Variants in GUCY1B1 observed in about 807,000 individuals in gnomAD.
GUCY1B1 encodes the protein guanylate cyclase 1 soluble subunit beta 1, also known as guanylate cyclase soluble subunit beta-1.
A neutral mutation model predicts 71.0 loss-of-function variants in GUCY1B1; 43 were observed. The ratio of observed to expected loss-of-function variants is 0.61; its 90% confidence interval spans 0.47 to 0.78. The LOEUF (loss-of-function observed/expected upper bound fraction) is 0.78, where lower values mean the gene tolerates loss of function less well. Among genes scored for constraint, GUCY1B1 ranks in the 30% least tolerant of loss-of-function variants. The pLI, the probability that GUCY1B1 is intolerant of heterozygous loss-of-function variation, is 0.00. For synonymous variants in GUCY1B1, 266 were observed against 259.7 expected, an observed-to-expected ratio of 1.02 and a Z score of -0.23; for missense variants, 535 against 754.1, an observed-to-expected ratio of 0.71 and a Z score of 3.40.
chr4:155,775,436 G>T (rs935877578), intron 3 of GUCY1B1, among the ~76,000 whole-genome samples: 35 of 152,224 alleles, frequency 2.3e-4, no homozygotes, highest in Admixed American at 3.9e-4. Context: ...GGGACTACAG[G>T]CACGCACCAC....
At position 155,804,456 on chromosome 4, in the gene GUCY1B1, C is replaced by A. The variant is rs555337498; in HGVS notation, c.1555-137C>A. On this transcript the variant is annotated intron_variant, in intron 11 of 13. Transcript: ENST00000264424. ...ATAATGGGTTGATAGGTGCAGCAAA[C>A]CACCATGGCACATATATACCTATGT... The A allele has an allele frequency of 1.1e-3, 698 of 651,066 alleles. 11 individuals are homozygous for A. In the South Asian group the frequency reaches 0.013, roughly 12 times the overall value. 40.3% of individuals were successfully genotyped at this position (651,066 alleles called of 1,614,324 possible).
rs1027135620 is a variant in GUCY1B1 at position 155,759,696 on chromosome 4, C to G, written c.4-91C>G. ...GGGGCGGGGTGAAAGGTTAAGCCAG[C>G]GCCATGGGAGCAGAGGCAGCAGCCT... On this transcript the variant is annotated intron_variant, in intron 1 of 13. Transcript: ENST00000264424. The G allele has an allele frequency of 1.1e-5, 10 of 872,268 alleles. No homozygotes were observed. The African/African-American group carries it at 1.3e-4, about 12-fold the overall frequency. The allele number at this position is 872,268 out of a possible 1,614,324, so 54.0% of individuals were successfully genotyped here. A position where few individuals can be genotyped will look rare whatever the true frequency, so the allele number is the denominator to read the frequency against.
Position 155,789,822 on chromosome 4 carries a change from TACTC to T in GUCY1B1, c.408_411del (p.Tyr136Ter). 6.2e-7 allele frequency: 1 copy of T among 1,610,892 alleles called. No individual in the cohort carries two copies. Among genetic ancestry groups the T allele is most frequent in the Non-Finnish European group, 8.5e-7 (1 of 1,177,058 alleles). ...GGGCAAAGGACTCATTTTGCACTAC[TACTC>T]AGAGAGAGAAGGACTTCAGGATATT... On this transcript the variant is annotated frameshift_variant, in exon 5 of 14. Coordinates refer to ENST00000264424, the MANE Select transcript of GUCY1B1 (RefSeq NM_000857.5). LOFTEE classifies it high-confidence loss of function.
At chr4:155,766,934 C>T (rs1233595435) in intron 2 of GUCY1B1, among the ~76,000 whole-genome samples, 5 of 152,168 alleles carry the variant, frequency 3.3e-5, no homozygotes, top group African/African-American at 1.2e-4. Flanking sequence ...GTTCTGCAGT[C>T]ACAGTCCTAG....
intron 2 of GUCY1B1, among the ~76,000 whole-genome samples, chr4:155,769,825 T>G (rs1737577828): frequency 6.6e-6 from 1 of 152,096 alleles, no homozygotes; most frequent in Non-Finnish European, 1.5e-5. Flanking sequence ...AAGTACAATT[T>G]AAATAATAAG....
chr4:155,761,315 T>G (rs370501640), intron 2 of GUCY1B1, among the ~76,000 whole-genome samples: 13 of 152,122 alleles, frequency 8.5e-5, no homozygotes, highest in African/African-American at 3.1e-4. Context: ...ACCGAATTAT[T>G]TTTAAGCCAC....
chr4:155,794,603 A>T (rs1363002044), intron 6 of GUCY1B1, among the ~76,000 whole-genome samples: 1 of 152,224 alleles, frequency 6.6e-6, no homozygotes, highest in Admixed American at 6.5e-5. Context: ...TGACAGATCC[A>T]TTGGTAAAAT....
At chr4:155,778,085 T>C (rs1268721113) in intron 4 of GUCY1B1, among the ~76,000 whole-genome samples, 1 of 152,180 alleles carries the variant, frequency 6.6e-6, no homozygotes, top group African/African-American at 2.4e-5. Flanking sequence ...GAGCTCAATG[T>C]TTAGGAAAAA....
intron 5 of GUCY1B1, 26 bp from the exon 6 acceptor site, chr4:155,793,830 A>G (rs1262487362): frequency 3.1e-6 from 3 of 982,100 alleles, no homozygotes; most frequent in Non-Finnish European, 4.9e-6. Context: ...AAGACAATTC[A>G]TGCCATTTCC....
At chr4:155,789,950 A>C (rs1167989191) in intron 5 of GUCY1B1, 39 bp downstream of exon 5, 1 of 1,284,368 alleles carries the variant, frequency 7.8e-7, no homozygotes, top group Non-Finnish European at 1.1e-6. Flanking sequence ...CACAGATGAC[A>C]TCTAAAAATA....
At chr4:155,773,105 T>A (rs1218735677) in intron 2 of GUCY1B1, among the ~76,000 whole-genome samples, 1 of 152,254 alleles carries the variant, frequency 6.6e-6, no homozygotes, top group South Asian at 2.1e-4. Flanking sequence ...GTGGCTACTT[T>A]CCTTTGTATT....
At chr4:155,763,041 G>T (rs1285175220) in intron 2 of GUCY1B1, among the ~76,000 whole-genome samples, 3 of 151,966 alleles carry the variant, frequency 2.0e-5, no homozygotes, top group Admixed American at 2.0e-4. Context: ...AAATTATCAG[G>T]GTAGAAAATA....
At chr4:155,784,833 C>T (rs1738658547) in intron 4 of GUCY1B1, among the ~76,000 whole-genome samples, 1 of 152,070 alleles carries the variant, frequency 6.6e-6, no homozygotes, top group Non-Finnish European at 1.5e-5. Flanking sequence ...GACTTTGCCC[C>T]TGTAATTATG....
chr4:155,780,351 C>A (rs538462135), intron 4 of GUCY1B1, among the ~76,000 whole-genome samples: 1 of 152,268 alleles, frequency 6.6e-6, no homozygotes, highest in Middle Eastern at 3.4e-3. Flanking sequence ...TAGATAAATT[C>A]TATTAATTCT....
intron 2 of GUCY1B1, among the ~76,000 whole-genome samples, chr4:155,769,461 C>T (rs747486550): frequency 2.0e-5 from 3 of 151,998 alleles, no homozygotes; most frequent in African/African-American, 4.8e-5. Context: ...AAAAATTTAA[C>T]GCTTAAGCCA....
Position 155,777,525 on chromosome 4 carries a change from T to C in GUCY1B1, c.180T>C (p.Asn60=). The change falls in exon 4 of 14, where the codon AAT becomes AAC. Residue 60 remains asparagine (N), a splice_region_variant and synonymous_variant. Coordinates refer to ENST00000264424, the MANE Select transcript of GUCY1B1 (RefSeq NM_000857.5). ...DLVAAASKVL[N]LNAGEILQMF... Reference sequence around the variant, plus strand: ...TCCCCTCTTGAATTTGTAAAATAGATCTCAATGCTGGAGAAATCCTCCAAA... The same window carrying C: ...TCCCCTCTTGAATTTGTAAAATAGACCTCAATGCTGGAGAAATCCTCCAAA... The C allele has an allele frequency of 6.6e-7, 1 of 1,523,968 alleles. No individual in the cohort carries two copies. Among genetic ancestry groups the C allele is most frequent in the Non-Finnish European group, 9.1e-7 (1 of 1,098,106 alleles). The allele number at this position is 1,523,968 out of a possible 1,614,324, so 94.4% of individuals were successfully genotyped here.
intron 2 of GUCY1B1, among the ~76,000 whole-genome samples, chr4:155,762,347 C>CA (rs569676244): frequency 2.0e-5 from 3 of 151,956 alleles, no homozygotes; most frequent in Non-Finnish European, 2.9e-5. Context: ...TTTTTTGTCT[C>CA]AGTAAGTACC....
intron 5 of GUCY1B1, 86 bp from the exon 6 acceptor site, chr4:155,793,770 G>A: frequency 1.5e-6 from 1 of 655,796 alleles, no homozygotes; most frequent in East Asian, 2.7e-5. Flanking sequence ...TCTAAATGCA[G>A]TATTCATAAC....
chr4:155,765,513 C>T (rs1310511480), intron 2 of GUCY1B1, among the ~76,000 whole-genome samples: 1 of 152,086 alleles, frequency 6.6e-6, no homozygotes, highest in African/African-American at 2.4e-5. Context: ...CAAACTATAT[C>T]AAAAGATAGT....
Sources: allele counts gnomAD v4.1 joint callset (sites outside exome capture counted in the v4.1 genomes callset), GRCh38; gene constraint gnomAD v4.1.1; transcripts MANE v1.5; gene names NCBI Gene and HGNC (gene_info 2026-07-23, HGNC 2026-07-21).